Variants in CHRM5 observed in about 807,000 individuals in gnomAD.
CHRM5 encodes cholinergic receptor muscarinic 5, also known as muscarinic acetylcholine receptor M5.
In CHRM5, 18 loss-of-function variants were observed where a neutral mutation model predicts 39.0. The ratio of observed to expected loss-of-function variants is 0.46; its 90% CI spans 0.32 to 0.68. CHRM5 has a LOEUF of 0.68. Ranked by LOEUF, CHRM5 falls within the 30% of genes least tolerant of loss-of-function variation. The pLI, the probability that CHRM5 is intolerant of heterozygous loss-of-function variation, is 0.04. For missense variants in CHRM5, 515 were observed against 651.1 expected (o/e 0.79, Z 2.28); for synonymous variants, 241 against 246.3 (o/e 0.98, Z 0.20).
chr15:34,048,121 T>C (rs957823336), intron 2 of CHRM5, among the ~76,000 whole-genome samples: 8 of 152,070 alleles, frequency 5.3e-5, no homozygotes, highest in African/African-American at 1.7e-4. Flanking sequence ...AGCAATCCAC[T>C]TGCCTCGGCT....
At chr15:34,012,019 C>A (rs182859395) in intron 1 of CHRM5, among the ~76,000 whole-genome samples, 1 of 152,268 alleles carries the variant, frequency 6.6e-6, no homozygotes, top group East Asian at 1.9e-4. Flanking sequence ...GAATCAGTTT[C>A]ATTTTATCTG....
chr15:34,002,882 G>T, intron 1 of CHRM5: 3 of 708,590 alleles, frequency 4.2e-6, no homozygotes, highest in Non-Finnish European at 6.6e-6. Context: ...TCCCTTACAA[G>T]CCATTAGAAA....
intron 1 of CHRM5, among the ~76,000 whole-genome samples, chr15:34,017,920 T>C (rs1898015604): frequency 6.6e-6 from 1 of 152,224 alleles, no homozygotes; most frequent in South Asian, 2.1e-4. Flanking sequence ...AATAATGTCA[T>C]AGTGCACAGC....
At chr15:34,018,100 T>C (rs903004239) in intron 1 of CHRM5, 7 of 152,242 alleles carry the variant, frequency 4.6e-5, no homozygotes, top group African/African-American at 1.7e-4. Context: ...AGTACAGTCA[T>C]TCTACTTACT....
intron 1 of CHRM5, among the ~76,000 whole-genome samples, chr15:33,972,788 A>G (rs2093002620): frequency 6.6e-6 from 1 of 152,200 alleles, no homozygotes; most frequent in South Asian, 2.1e-4. Flanking sequence ...ACACATGTGC[A>G]GTCTGTCCTT....
intron 1 of CHRM5, among the ~76,000 whole-genome samples, chr15:34,034,447 A>T (rs1316159287): frequency 0.023 from 487 of 20,864 alleles, 4 homozygotes; most frequent in African/African-American, 0.038. Flanking sequence ...TTTCTTTTTT[A>T]AAAAAAAAAA....
At chr15:34,023,708 A>C (rs1290840708) in intron 1 of CHRM5, among the ~76,000 whole-genome samples, 1 of 152,202 alleles carries the variant, frequency 6.6e-6, no homozygotes, top group Non-Finnish European at 1.5e-5. Flanking sequence ...CAATCACGCC[A>C]GGCTTAAAAG....
At chr15:33,994,093 G>A (rs941124543) in intron 1 of CHRM5, among the ~76,000 whole-genome samples, 7 of 152,214 alleles carry the variant, frequency 4.6e-5, no homozygotes, top group East Asian at 1.9e-4. Flanking sequence ...GATCAGTACC[G>A]GTCTGTGGCT....
chr15:34,063,929 C>G lies in CHRM5; in HGVS notation c.1212C>G (p.Pro404=). 1 of 1,614,198 alleles carries G rather than the reference C, an allele frequency of 6.2e-7. No individual in the cohort carries two copies. The highest frequency in any genetic ancestry group is 2.2e-5 in the East Asian group (1 of 44,882). The change falls in exon 3 of 3, where the codon CCC becomes CCG. Residue 404 remains proline (P), a synonymous_variant. Coordinates refer to ENST00000383263, the MANE Select transcript of CHRM5 (RefSeq NM_012125.4). The surrounding 1 kb of genome is among the most constrained non-coding windows in gnomAD (Gnocchi z 4.1). ...GCTGTCACAAGGTGAAAATCATGCC[C>G]TGCCCCTTCCCAGTGGCCAAGGAAC... is the stretch of plus-strand genomic sequence containing the variant. ...NNGCHKVKIM[P]CPFPVAKEPS...
At position 33,978,888 on chromosome 15, in the gene CHRM5, CAT is replaced by C. The variant is rs576117210; in HGVS notation, c.-408+9739_-408+9740del. ...AAGTCCCAAGTCTAACAAGAACAAA[CAT>C]GTGAAAAATGGACAGAGGAAAGAGA... is the stretch of plus-strand genomic sequence containing the variant. On this transcript the variant is annotated intron_variant, in intron 1 of 2. Coordinates refer to ENST00000383263, the MANE Select transcript of CHRM5 (RefSeq NM_012125.4). 3.0e-3 allele frequency among the ~76,000 whole-genome samples: 454 copies of C among 151,948 alleles called. 1 individual carries two copies. The highest frequency in any genetic ancestry group is 0.01 in the African/African-American group (425 of 41,432).
chr15:34,050,924 C>T (rs926520514), intron 2 of CHRM5, among the ~76,000 whole-genome samples: 1 of 152,132 alleles, frequency 6.6e-6, no homozygotes, highest in East Asian at 1.9e-4. Flanking sequence ...ACCCCACCGA[C>T]TATATTAGAC....
intron 1 of CHRM5, among the ~76,000 whole-genome samples, chr15:34,035,899 A>C (rs553819287): frequency 1.3e-5 from 2 of 152,264 alleles, no homozygotes; most frequent in South Asian, 4.1e-4. Context: ...GGCTCAAAAC[A>C]ATCCGGCTGC....
intron 1 of CHRM5, among the ~76,000 whole-genome samples, chr15:34,005,128 T>G (rs1236490305): frequency 6.6e-6 from 1 of 152,138 alleles, no homozygotes. Flanking sequence ...TCCAGATCTT[T>G]TTCTATGTAT....
At chr15:33,995,506 G>A (rs760188793) in intron 1 of CHRM5, among the ~76,000 whole-genome samples, 38 of 152,082 alleles carry the variant, frequency 2.5e-4, no homozygotes, top group African/African-American at 6.8e-4. Context: ...ATCCACAGGC[G>A]TCCTGAAACC....
intron 2 of CHRM5, among the ~76,000 whole-genome samples, chr15:34,051,181 G>A (rs1423865268): frequency 6.6e-6 from 1 of 152,166 alleles, no homozygotes; most frequent in East Asian, 1.9e-4. Context: ...TAGAACTCAA[G>A]ATTAAGAAAT....
At chr15:34,002,025 T>A (rs1277368332) in intron 1 of CHRM5, among the ~76,000 whole-genome samples, 4 of 152,172 alleles carry the variant, frequency 2.6e-5, no homozygotes, top group Non-Finnish European at 4.4e-5. Context: ...TCACACACAG[T>A]TATAAAGAAA....
intron 1 of CHRM5, among the ~76,000 whole-genome samples, chr15:33,970,891 T>C (rs1026373601): frequency 3.9e-5 from 6 of 151,970 alleles, no homozygotes; most frequent in African/African-American, 1.2e-4. Context: ...ACTACCTTGC[T>C]CCACCCCAAT....
intron 2 of CHRM5, among the ~76,000 whole-genome samples, chr15:34,061,860 C>T (rs1900343518): frequency 6.6e-6 from 1 of 152,166 alleles, no homozygotes; most frequent in African/African-American, 2.4e-5. Flanking sequence ...TGGCTCACAA[C>T]GGCACCTCAG....
intron 2 of CHRM5, among the ~76,000 whole-genome samples, chr15:34,055,577 G>A (rs186221423): frequency 3.9e-5 from 6 of 151,958 alleles, no homozygotes; most frequent in Non-Finnish European, 5.9e-5. Context: ...TGAGGTGGGC[G>A]GATCATGAGG....
Sources: gnomAD v4.1 joint callset for allele counts (sites outside exome capture counted in the v4.1 genomes callset) on GRCh38, gnomAD v4.1.1 for gene constraint, Gnocchi (gnomAD v3.1) non-coding constraint, MANE v1.5 for transcripts, NCBI Gene and HGNC (gene_info 2026-07-23, HGNC 2026-07-21) for gene names.